The following OXCT1 variants were observed in gnomAD, a reference collection of about 807,000 sequenced individuals.
The protein encoded by OXCT1 is succinyl-CoA:3-ketoacid coenzyme A transferase 1, mitochondrial.
A neutral mutation model predicts 69.6 loss-of-function variants in OXCT1; 27 were observed. That is an observed-to-expected ratio of 0.39 (90% CI 0.29 to 0.54). The LOEUF (loss-of-function observed/expected upper bound fraction) is 0.54, where lower values mean the gene tolerates loss of function less well. Ranked by LOEUF, OXCT1 falls within the 20% of genes least tolerant of loss-of-function variation. The pLI, the probability that OXCT1 is intolerant of heterozygous loss-of-function variation, is 0.72. For synonymous variants in OXCT1, 202 were observed against 217.8 expected (o/e 0.93, Z 0.64); for missense variants, 437 against 650.2 (o/e 0.67, Z 3.57).
At chr5:41,809,813 T>C (rs1168540751) in intron 7 of OXCT1, among the ~76,000 whole-genome samples, 4 of 152,044 alleles carry the variant, frequency 2.6e-5, no homozygotes, top group African/African-American at 9.7e-5. Flanking sequence ...ACAGAATGAA[T>C]ATGTCCTGGT....
intron 13 of OXCT1, among the ~76,000 whole-genome samples, chr5:41,788,377 A>C (rs4957421): frequency 0.013 from 2,056 of 152,308 alleles, 98 homozygotes; most frequent in South Asian, 0.079. Flanking sequence ...TGATGACTAC[A>C]TTAATTGTAA....
intron 7 of OXCT1, among the ~76,000 whole-genome samples, chr5:41,817,699 T>C (rs990713152): frequency 6.6e-6 from 1 of 152,238 alleles, no homozygotes; most frequent in Non-Finnish European, 1.5e-5. Context: ...CATTACTTTA[T>C]AACCCTTTGT....
At chr5:41,828,327 G>A (rs919232960) in intron 7 of OXCT1, among the ~76,000 whole-genome samples, 1 of 151,490 alleles carries the variant, frequency 6.6e-6, no homozygotes, top group African/African-American at 2.4e-5. Context: ...TGTTGGCCAG[G>A]CTGGCCAACT....
At chr5:41,753,393 T>C (rs1743908574) in intron 14 of OXCT1, among the ~76,000 whole-genome samples, 1 of 151,926 alleles carries the variant, frequency 6.6e-6, no homozygotes. Context: ...GCCCTAATGA[T>C]CAACTACAGA....
At position 41,731,017 on chromosome 5, in the gene OXCT1, C is replaced by G. The variant is rs1432907453; in HGVS notation, c.*712G>C. The G allele has an allele frequency of 1.3e-5, 2 of 152,092 alleles. No individual in the cohort carries two copies. Among genetic ancestry groups the G allele is most frequent in the African/African-American group, 4.8e-5 (2 of 41,392 alleles). The allele number at this position is 152,092 out of a possible 1,614,324, so 9.4% of individuals were successfully genotyped here. On this transcript the variant is annotated 3_prime_UTR_variant, in exon 17 of 17. Transcript: ENST00000196371. The stretch of plus-strand genomic sequence containing the variant: ...CAATAACAGAAGTATTCTCAAGGAC[C>G]CTTGAGGATACAAAGGAATACTGGG...
chr5:41,847,363 T>G (rs1748966018), intron 5 of OXCT1, among the ~76,000 whole-genome samples: 1 of 152,128 alleles, frequency 6.6e-6, no homozygotes, highest in South Asian at 2.1e-4. Flanking sequence ...AAGGAGGAAC[T>G]GGTACCATTC....
At chr5:41,867,318 A>C (rs1750036863) in intron 1 of OXCT1, among the ~76,000 whole-genome samples, 2 of 152,244 alleles carry the variant, frequency 1.3e-5, no homozygotes, top group Admixed American at 1.3e-4. Context: ...ACAAAGTTAA[A>C]ATATTGAAAA....
At chr5:41,856,461 C>A (rs1749433667) in intron 3 of OXCT1, among the ~76,000 whole-genome samples, 1 of 152,128 alleles carries the variant, frequency 6.6e-6, no homozygotes, top group South Asian at 2.1e-4. Flanking sequence ...CCTGTTCTCC[C>A]AACTTCATTC....
intron 15 of OXCT1, among the ~76,000 whole-genome samples, chr5:41,742,875 T>C (rs1275342679): frequency 6.6e-6 from 1 of 152,200 alleles, no homozygotes; most frequent in Non-Finnish European, 1.5e-5. Flanking sequence ...ATCCAGTCTA[T>C]CATTGATGGG....
intron 13 of OXCT1, among the ~76,000 whole-genome samples, chr5:41,772,055 A>G (rs926444296): frequency 6.6e-5 from 10 of 152,218 alleles, no homozygotes; most frequent in African/African-American, 2.4e-4. Context: ...AAATGGAAAA[A>G]CATCATTTAT....
intron 14 of OXCT1, among the ~76,000 whole-genome samples, chr5:41,750,135 GTTTTTTTTT>G: frequency 1.4e-5 from 1 of 73,918 alleles, no homozygotes; most frequent in South Asian, 5.3e-4. Context: ...GTGTTTTTTG[GTTTTTTTTT>G]TTTTTTTTTT....
Position 41,861,386 on chromosome 5 carries a change from A to G in OXCT1, c.206T>C (p.Ile69Thr). ...TAAAGCATCTATAAGATTCTCTGGA[A>G]TTCCACATAGCCCAAAACCTATATT... ...VLVGGFGLCG[I>T]PENLIDALLK... The change falls in exon 3 of 17, where the codon ATT becomes ACT. Residue 69 changes from isoleucine (I) to threonine (T), a missense_variant. Ile to Thr is a moderately conservative substitution (Grantham distance 89). Around this residue, in one of 4 missense-constraint regions of OXCT1, gnomAD observed 252 missense variants for 397.4 expected, o/e 0.63. Coordinates refer to ENST00000196371, the MANE Select transcript of OXCT1 (RefSeq NM_000436.4). 4 of 1,611,244 alleles carry G rather than the reference A, an allele frequency of 2.5e-6. No homozygotes were observed. Among genetic ancestry groups the G allele is most frequent in the Non-Finnish European group, 3.4e-6 (4 of 1,177,644 alleles).
chr5:41,780,154 A>T lies in OXCT1; in HGVS notation c.1248+13849T>A, dbSNP rs77277078. ...GACATGTTTTGGGTGAATGAATTTG[A>T]AAATCCAAAAGAAATGGATGCTTTT... On this transcript the variant is annotated intron_variant, in intron 13 of 16. Transcript: ENST00000196371. Among the ~76,000 whole-genome samples, 106 of 152,318 alleles carry T rather than the reference A, an allele frequency of 7.0e-4. No individual in the cohort carries two copies. The East Asian group carries it at 0.016, about 23-fold the overall frequency.
chr5:41,842,412 A>G (rs1748670640), intron 6 of OXCT1, among the ~76,000 whole-genome samples: 1 of 152,170 alleles, frequency 6.6e-6, no homozygotes, highest in Non-Finnish European at 1.5e-5. Context: ...ACACAAGGAG[A>G]AAAACAACTG....
chr5:41,823,574 T>C (rs1337702413), intron 7 of OXCT1, among the ~76,000 whole-genome samples: 3 of 152,230 alleles, frequency 2.0e-5, no homozygotes, highest in African/African-American at 4.8e-5. Flanking sequence ...TGGCAGTGGT[T>C]TGCCCTGTGA....
In OXCT1 at chr5:41,840,528, G is replaced by C; in HGVS notation, c.672-17C>G. The stretch of plus-strand genomic sequence containing the variant: ...GCACTTTTCCTACAGGGGTGGAGGA[G>C]ATAAGAAAGTGGGGGGGAAAAGACG... On this transcript the variant is annotated splice_polypyrimidine_tract_variant and intron_variant, in intron 6 of 16. Coordinates refer to ENST00000196371, the MANE Select transcript of OXCT1 (RefSeq NM_000436.4). The C allele has an allele frequency of 6.3e-7, 1 of 1,594,808 alleles. No individual in the cohort carries two copies. The highest frequency in any genetic ancestry group is 8.6e-7 in the Non-Finnish European group (1 of 1,164,470).
rs2112429226 is a variant in OXCT1 at position 41,846,860 on chromosome 5, A to C, written c.564+3170T>G. On this transcript the variant is annotated intron_variant, in intron 5 of 16. Coordinates refer to ENST00000196371, the MANE Select transcript of OXCT1 (RefSeq NM_000436.4). ...GAGATGGTATCTCATTGTGGTTTTG[A>C]TTTGCATTTCTCTGATGGCCAGTGA... Among the ~76,000 whole-genome samples, 3 of 152,136 alleles carry C rather than the reference A, an allele frequency of 2.0e-5. No homozygotes were observed. The East Asian group carries it at 5.8e-4, about 29-fold the overall frequency.
intron 11 of OXCT1, among the ~76,000 whole-genome samples, chr5:41,797,484 A>C (rs1746235822): frequency 6.6e-6 from 1 of 152,236 alleles, no homozygotes; most frequent in Non-Finnish European, 1.5e-5. Flanking sequence ...TTTGGTCAAG[A>C]AAAGTCGTAA....
chr5:41,834,705 C>G (rs1443787848), intron 7 of OXCT1, among the ~76,000 whole-genome samples: 1 of 152,072 alleles, frequency 6.6e-6, no homozygotes, highest in South Asian at 2.1e-4. Flanking sequence ...TAAAGAGAGA[C>G]AGATTAAAAT....
Sources: allele counts gnomAD v4.1 joint callset (sites outside exome capture counted in the v4.1 genomes callset), GRCh38; gene constraint gnomAD v4.1.1; regional missense constraint gnomAD v4.1.1; transcripts MANE v1.5; gene names NCBI Gene and HGNC (gene_info 2026-07-23, HGNC 2026-07-21).